DMD: variants seen among roughly 807,000 people sequenced by gnomAD.
DMD encodes dystrophin.
In DMD, 63 loss-of-function variants were observed where a neutral mutation model predicts 330.1. The observed-to-expected ratio is 0.19, with a 90% CI of 0.16 to 0.24. The LOEUF (loss-of-function observed/expected upper bound fraction) is 0.24. DMD is among the 10% of genes least tolerant of loss of function. The probability of loss-of-function intolerance (pLI) is 1.00; values close to 1 mark genes in which losing one functional copy is unlikely to be tolerated. For missense variants in DMD, 3,344 were observed against 2,684.1 expected (o/e 1.25, Z -5.43); for synonymous variants, 1,223 against 959.8 (o/e 1.27, Z -5.07).
chrX:32,622,341 G>T (rs2058053465), intron 11 of DMD, among the ~76,000 whole-genome samples: 1 of 111,792 alleles, frequency 8.9e-6, no homozygotes, highest in African/African-American at 3.3e-5. Flanking sequence ...TCATCCCATT[G>T]TTGGAAAGGA....
At chrX:31,487,531 C>A (rs1284220608) in intron 57 of DMD, among the ~76,000 whole-genome samples, 1 of 111,754 alleles carries the variant, frequency 8.9e-6, no homozygotes, top group Non-Finnish European at 1.9e-5. Flanking sequence ...GTGCACAAAT[C>A]GGTATTGTTA....
chrX:33,128,877 T>C (rs2095480644), intron 1 of DMD, among the ~76,000 whole-genome samples: 2 of 112,036 alleles, frequency 1.8e-5, no homozygotes, highest in Non-Finnish European at 3.8e-5. Context: ...CCTTTAAAAA[T>C]ACATTTTAAA....
At chrX:31,773,783 T>C (rs749558748) in intron 51 of DMD, among the ~76,000 whole-genome samples, 177 bp downstream of exon 51, 2 of 106,904 alleles carry the variant, frequency 1.9e-5, no homozygotes, top group Admixed American at 1.0e-4. Flanking sequence ...TTTTGTTATT[T>C]GCATTAATTT....
intron 7 of DMD, among the ~76,000 whole-genome samples, chrX:32,782,913 T>C (rs1277577804): frequency 2.9e-5 from 3 of 104,861 alleles, no homozygotes; most frequent in Non-Finnish European, 5.9e-5. Flanking sequence ...ATATCATATA[T>C]ACACAAACAC....
chrX:31,768,046 C>T (rs1019477744), intron 51 of DMD, among the ~76,000 whole-genome samples: 1 of 111,086 alleles, frequency 9.0e-6, no homozygotes, highest in Non-Finnish European at 1.9e-5. Flanking sequence ...TTGTCTCAAC[C>T]CCAATCTGGA....
intron 2 of DMD, among the ~76,000 whole-genome samples, chrX:32,941,523 G>A (rs1407351197): frequency 9.0e-6 from 1 of 111,362 alleles, no homozygotes; most frequent in Non-Finnish European, 1.9e-5. Flanking sequence ...TGTGATGGAG[G>A]CCATTATCCT....
rs1316893890 is a variant in DMD, at chrX:32,215,767, T to A, written c.6438+1149A>T. Among the ~76,000 whole-genome samples the A allele has an allele frequency of 4.5e-5, 5 of 111,753 alleles. No homozygotes were observed. In the East Asian group the frequency reaches 1.4e-3, roughly 31 times the overall value. On this transcript the variant is annotated intron_variant, in intron 44 of 78. Transcript: ENST00000357033. ...TAGCCCAAAATTCACTTCAGTGCTA[T>A]TTTTAAAATGTATCTTCTATATTAA...
intron 4 of DMD, among the ~76,000 whole-genome samples, chrX:32,833,026 T>C (rs752337162): frequency 1.1e-4 from 12 of 111,953 alleles, no homozygotes; most frequent in Non-Finnish European, 2.3e-4. Context: ...ATACTATCTC[T>C]ACCTTCAATG....
chrX:31,734,731 G>A (rs762833069), intron 51 of DMD, among the ~76,000 whole-genome samples: 2 of 110,934 alleles, frequency 1.8e-5, no homozygotes, highest in South Asian at 7.7e-4. Flanking sequence ...GTGATGACAG[G>A]CAATAAAAAA....
intron 44 of DMD, among the ~76,000 whole-genome samples, chrX:32,203,562 C>A (rs1205211393): frequency 8.9e-6 from 1 of 112,237 alleles, no homozygotes; most frequent in Non-Finnish European, 1.9e-5. Context: ...GAAAGGGAGG[C>A]AATTACTAAA....
chrX:33,106,491 T>C (rs987411780), intron 1 of DMD, among the ~76,000 whole-genome samples: 3 of 112,382 alleles, frequency 2.7e-5, no homozygotes, highest in Non-Finnish European at 3.8e-5. Flanking sequence ...TCTTATATTC[T>C]TATTGCTCAG....
chrX:32,682,198 G>T (rs949512223), intron 9 of DMD, among the ~76,000 whole-genome samples: 2 of 111,521 alleles, frequency 1.8e-5, no homozygotes, highest in African/African-American at 6.5e-5. Context: ...CAATAATATG[G>T]CCATATATGT....
At chrX:32,702,716 T>C (rs1382263795) in intron 7 of DMD, among the ~76,000 whole-genome samples, 1 of 111,429 alleles carries the variant, frequency 9.0e-6, no homozygotes, top group Non-Finnish European at 1.9e-5. Flanking sequence ...GTTCAAGATC[T>C]AAGGTACAAC....
At chrX:32,968,509 A>G (rs2092253507) in intron 2 of DMD, among the ~76,000 whole-genome samples, 1 of 111,911 alleles carries the variant, frequency 8.9e-6, no homozygotes, top group Non-Finnish European at 1.9e-5. Context: ...TACAAAGATA[A>G]ATAAATGCAT....
chrX:32,523,237 C>G (rs1029236811), intron 17 of DMD, among the ~76,000 whole-genome samples: 1 of 111,222 alleles, frequency 9.0e-6, no homozygotes, highest in East Asian at 2.8e-4. Context: ...TCAAAAGCAG[C>G]CTCAAAACCA....
At chrX:31,856,702 A>G (rs1385837306) in intron 48 of DMD, among the ~76,000 whole-genome samples, 2 of 112,502 alleles carry the variant, frequency 1.8e-5, no homozygotes, top group South Asian at 3.7e-4. Flanking sequence ...TTTTGAGTGA[A>G]GCACAGGAAC....
intron 18 of DMD, among the ~76,000 whole-genome samples, chrX:32,515,802 G>A (rs1277780713): frequency 9.0e-6 from 1 of 111,558 alleles, no homozygotes; most frequent in Non-Finnish European, 1.9e-5. Context: ...CTATATTTCT[G>A]ACAAGCTCCC....
chrX:31,968,338 C>T lies in DMD; in HGVS notation c.6614+1G>A. On this transcript the variant is annotated splice_donor_variant, in intron 45 of 78. Coordinates refer to ENST00000357033, the MANE Select transcript of DMD (RefSeq NM_004006.3). LOFTEE classifies it high-confidence loss of function. ...CATTCCTATTAGATCTGTCGCCCTA[C>T]CTCTTTTTTCTGTCTGACAGCTGTT... 8.3e-7 allele frequency: 1 copy of T among 1,210,141 alleles called. No individual in the cohort carries two copies. The highest frequency in any genetic ancestry group is 1.1e-6 in the Non-Finnish European group (1 of 894,354).
At chrX:31,220,991 C>T (rs1316937221) in intron 64 of DMD, among the ~76,000 whole-genome samples, 9 of 103,700 alleles carry the variant, frequency 8.7e-5, no homozygotes, top group African/African-American at 2.8e-4. Context: ...TCCACTGTGG[C>T]CCGGAGAAGC....
Sources: allele counts gnomAD v4.1 joint callset (sites outside exome capture counted in the v4.1 genomes callset), GRCh38; gene constraint gnomAD v4.1.1; transcripts MANE v1.5; gene names NCBI Gene and HGNC (gene_info 2026-07-23, HGNC 2026-07-21).